SPAG16: variants seen among roughly 807,000 people sequenced by gnomAD.
SPAG16 encodes the protein sperm-associated antigen 16 protein.
SPAG16 carries 86 observed loss-of-function variants against 80.4 expected under a neutral mutation model. The observed-to-expected ratio is 1.07, with a 90% CI of 0.90 to 1.28. The LOEUF (loss-of-function observed/expected upper bound fraction) is 1.28, where lower values mean the gene tolerates loss of function less well. Among genes scored for constraint, SPAG16 ranks in the 50% most tolerant of loss-of-function variants. The pLI, the probability that SPAG16 is intolerant of heterozygous loss-of-function variation, is 0.00. For synonymous variants in SPAG16, 294 were observed against 265.9 expected (o/e 1.11, Z -1.03); for missense variants, 870 against 765.3 (o/e 1.14, Z -1.61).
intron 15 of SPAG16, among the ~76,000 whole-genome samples, chr2:214,251,768 T>C (rs1690310262): frequency 6.6e-6 from 1 of 152,176 alleles, no homozygotes; most frequent in Admixed American, 6.6e-5. Context: ...TATATCTGTT[T>C]GCATCTGTTT....
At chr2:214,378,156 C>T (rs1700241621) in intron 15 of SPAG16, among the ~76,000 whole-genome samples, 1 of 152,102 alleles carries the variant, frequency 6.6e-6, no homozygotes, top group Non-Finnish European at 1.5e-5. Context: ...GAACACAGCC[C>T]TACTGATACA....
intron 4 of SPAG16, among the ~76,000 whole-genome samples, chr2:213,313,073 T>A (rs868092640): frequency 5.9e-5 from 9 of 151,916 alleles, no homozygotes; most frequent in Non-Finnish European, 1.2e-4. Context: ...TCTAGTTATA[T>A]GTCCCATAAG....
chr2:213,597,624 T>G (rs746558289), intron 10 of SPAG16, among the ~76,000 whole-genome samples: 106 of 152,328 alleles, frequency 7.0e-4, no homozygotes, highest in Non-Finnish European at 6.5e-4. Flanking sequence ...GTGTCACTTT[T>G]GGCCAATGAA....
chr2:214,349,319 C>G (rs1209360840), intron 15 of SPAG16, among the ~76,000 whole-genome samples: 1 of 152,196 alleles, frequency 6.6e-6, no homozygotes, highest in Non-Finnish European at 1.5e-5. Context: ...TTCATTTTGC[C>G]TAAAACAATT....
At chr2:214,134,327 TC>T (rs2054936324) in intron 14 of SPAG16, among the ~76,000 whole-genome samples, 1 of 152,150 alleles carries the variant, frequency 6.6e-6, no homozygotes, top group South Asian at 2.1e-4. Context: ...GCCCCACAAA[TC>T]CATTAGGTCT....
At position 213,357,016 on chromosome 2, in the gene SPAG16, CA is replaced by C. The variant is rs545196710; in HGVS notation, c.762+6372del. On this transcript the variant is annotated intron_variant, in intron 7 of 15. Transcript: ENST00000331683. ...TTAATTTCGTTATGTACCCAGTAGTCATTCAGGAGCAGGTTCTTCAGTTTCC... is the reference window on the plus strand; with the variant it reads ...TTAATTTCGTTATGTACCCAGTAGTCTTCAGGAGCAGGTTCTTCAGTTTCC... Among the ~76,000 whole-genome samples the C allele has an allele frequency of 5.0e-3, 757 of 152,254 alleles. 8 individuals are homozygous for C. Among genetic ancestry groups the C allele is most frequent in the African/African-American group, 0.017 (714 of 41,550 alleles).
chr2:214,210,287 T>C (rs1201602752), intron 15 of SPAG16, among the ~76,000 whole-genome samples: 1 of 152,150 alleles, frequency 6.6e-6, no homozygotes, highest in Non-Finnish European at 1.5e-5. Context: ...ACATGGATTT[T>C]TTCAATAAGT....
intron 15 of SPAG16, among the ~76,000 whole-genome samples, chr2:214,283,420 C>G (rs985040740): frequency 6.6e-6 from 1 of 152,112 alleles, no homozygotes; most frequent in African/African-American, 2.4e-5. Flanking sequence ...CATATTCCCA[C>G]TCCTTTAAAT....
At chr2:214,282,877 G>A (rs575932030) in intron 15 of SPAG16, among the ~76,000 whole-genome samples, 1 of 152,176 alleles carries the variant, frequency 6.6e-6, no homozygotes, top group African/African-American at 2.4e-5. Context: ...ATGTATGATA[G>A]CAGAGTGGAT....
At chr2:214,311,062 G>A (rs564429494) in intron 15 of SPAG16, among the ~76,000 whole-genome samples, 21 of 152,316 alleles carry the variant, frequency 1.4e-4, no homozygotes, top group African/African-American at 4.6e-4. Flanking sequence ...AGCAGTGTAC[G>A]GGACAGTGGG....
intron 10 of SPAG16, among the ~76,000 whole-genome samples, chr2:213,742,228 TG>T (rs2125457256): frequency 6.6e-6 from 1 of 152,202 alleles, no homozygotes; most frequent in African/African-American, 2.4e-5. Flanking sequence ...ACTTACAGAT[TG>T]TTTACTAATT....
In SPAG16 at chr2:213,560,014, C is replaced by A. The variant is rs558852852; in HGVS notation, c.1070+69924C>A. On this transcript the variant is annotated intron_variant, in intron 10 of 15. Coordinates refer to ENST00000331683, the MANE Select transcript of SPAG16 (RefSeq NM_024532.5). ...ATAAAAATGCAACCTGTTCCCTACC[C>A]CACCCAGCCTGGATATGGATACATA... 2.6e-5 allele frequency among the ~76,000 whole-genome samples: 4 copies of A among 152,058 alleles called. No homozygotes were observed. The South Asian group carries it at 6.2e-4, about 24-fold the overall frequency.
intron 9 of SPAG16, among the ~76,000 whole-genome samples, chr2:213,398,502 T>C (rs1043394585): frequency 3.9e-5 from 6 of 152,216 alleles, no homozygotes; most frequent in African/African-American, 1.4e-4. Context: ...TATAGAACAC[T>C]GTAGGTATGC....
rs116266867 is a variant in SPAG16 at position 214,349,830 on chromosome 2, G to A, written c.1721-60310G>A. Among the ~76,000 whole-genome samples the A allele has an allele frequency of 4.5e-3, 684 of 152,184 alleles. 4 individuals are homozygous for A. Among genetic ancestry groups the A allele is most frequent in the African/African-American group, 0.016 (644 of 41,516 alleles). On this transcript the variant is annotated intron_variant, in intron 15 of 15. Transcript: ENST00000331683. ...TTTTAATTTGCATTTATTTTATGACGAATAAGTTATTTTTTCATGTGCTCG... is the reference window on the plus strand; with the variant it reads ...TTTTAATTTGCATTTATTTTATGACAAATAAGTTATTTTTTCATGTGCTCG...
chr2:213,664,650 C>T (rs570104805), intron 10 of SPAG16, among the ~76,000 whole-genome samples: 47 of 151,920 alleles, frequency 3.1e-4, no homozygotes, highest in Admixed American at 1.1e-3. Flanking sequence ...TGTGCCTAGT[C>T]GTGGATCTTT....
chr2:214,343,103 T>C (rs1425891424), intron 15 of SPAG16, among the ~76,000 whole-genome samples: 1 of 151,986 alleles, frequency 6.6e-6, no homozygotes, highest in African/African-American at 2.4e-5. Context: ...AAAAATGCCA[T>C]GTTACAAAAA....
chr2:213,774,079 C>T (rs2069420352), intron 10 of SPAG16, among the ~76,000 whole-genome samples: 1 of 152,054 alleles, frequency 6.6e-6, no homozygotes, highest in Admixed American at 6.6e-5. Context: ...TGGTGTAATA[C>T]ATTTATCATA....
At chr2:213,507,454 A>G (rs1264646403) in intron 10 of SPAG16, among the ~76,000 whole-genome samples, 2 of 152,232 alleles carry the variant, frequency 1.3e-5, no homozygotes, top group African/African-American at 2.4e-5. Flanking sequence ...AAGAAAACAC[A>G]TCTCATGATA....
chr2:213,740,980 G>A (rs1575000508), intron 10 of SPAG16, among the ~76,000 whole-genome samples: 1 of 152,322 alleles, frequency 6.6e-6, no homozygotes, highest in East Asian at 1.9e-4. Context: ...ATGCCATAGT[G>A]TGAGTTTTTA....
Sources: gnomAD v4.1 joint callset for allele counts (sites outside exome capture counted in the v4.1 genomes callset) on GRCh38, gnomAD v4.1.1 for gene constraint, MANE v1.5 for transcripts, NCBI Gene and HGNC (gene_info 2026-07-23, HGNC 2026-07-21) for gene names.